NBAS: variants seen among roughly 807,000 people sequenced by gnomAD.
NBAS encodes NBAS subunit of NRZ tethering complex.
Under a neutral mutation model 302.5 loss-of-function variants are expected in NBAS, and 219 were observed. The observed-to-expected ratio is 0.72, with a 90% CI of 0.65 to 0.81. The LOEUF (loss-of-function observed/expected upper bound fraction) is 0.81, where lower values mean the gene tolerates loss of function less well. NBAS is among the 30% of genes least tolerant of loss of function. The probability of loss-of-function intolerance (pLI) is 0.00; values close to 1 mark genes in which losing one functional copy is unlikely to be tolerated. For synonymous variants in NBAS, 1,118 were observed against 1,021.6 expected, an observed-to-expected ratio of 1.09 and a Z score of -1.80; for missense variants, 2,932 against 2,841.6, an observed-to-expected ratio of 1.03 and a Z score of -0.72.
chr2:15,091,993 G>T, the NBAS span, among the ~76,000 whole-genome samples: 1 of 152,350 alleles, frequency 6.6e-6, no homozygotes, highest in East Asian at 1.9e-4. Context: ...GTTTGGGGAA[G>T]CCAAAAGTTA....
At chr2:15,015,164 A>AAAG in the NBAS span, among the ~76,000 whole-genome samples, 31 of 151,600 alleles carry the variant, frequency 2.0e-4, no homozygotes, top group African/African-American at 7.5e-4. Context: ...AAAAAAAAAA[A>AAAG]TCCAGGATTG....
chr2:14,783,735 G>A, the NBAS span, among the ~76,000 whole-genome samples: 74 of 152,036 alleles, frequency 4.9e-4, no homozygotes, highest in East Asian at 0.013. Flanking sequence ...GGACATTTGG[G>A]TTGGTTCCAA....
chr2:15,212,764 A>G (rs780252716), intron 48 of NBAS, among the ~76,000 whole-genome samples: 60 of 152,176 alleles, frequency 3.9e-4, no homozygotes, highest in African/African-American at 1.4e-3. Context: ...CTTGGCTTTC[A>G]TTCTTCTCTT....
the NBAS span, among the ~76,000 whole-genome samples, chr2:15,153,231 T>C: frequency 6.6e-6 from 1 of 152,230 alleles, no homozygotes; most frequent in Non-Finnish European, 1.5e-5. Flanking sequence ...TGGTCAGTGA[T>C]GCAGATGTTA....
At chr2:15,551,414 C>A in intron 6 of NBAS, 79 bp downstream of exon 6, 1 of 853,058 alleles carries the variant, frequency 1.2e-6, no homozygotes, top group Non-Finnish European at 1.8e-6. Context: ...TATTTAATAT[C>A]TATTCTAACT....
At chr2:15,438,592 G>A (rs971259190) in intron 21 of NBAS, among the ~76,000 whole-genome samples, 3 of 152,168 alleles carry the variant, frequency 2.0e-5, no homozygotes, top group Admixed American at 6.5e-5. Flanking sequence ...AAAACAAAGT[G>A]AGCCCAGCAG....
the NBAS span, among the ~76,000 whole-genome samples, chr2:14,888,445 C>G: frequency 1.3e-5 from 2 of 148,958 alleles, no homozygotes; most frequent in East Asian, 1.9e-4. Context: ...GCCACGGCAC[C>G]CGGCCCCCCC....
chr2:15,006,036 T>C, the NBAS span, among the ~76,000 whole-genome samples: 2 of 152,244 alleles, frequency 1.3e-5, no homozygotes, highest in South Asian at 4.1e-4. Flanking sequence ...AAAACACAAA[T>C]AACATCAAGA....
chr2:14,864,493 G>A, the NBAS span, among the ~76,000 whole-genome samples: 6 of 152,132 alleles, frequency 3.9e-5, no homozygotes, highest in Non-Finnish European at 5.9e-5. Flanking sequence ...TCTAATAGCT[G>A]TTTGAGCCTT....
At chr2:15,315,182 T>C (rs572357278) in intron 38 of NBAS, among the ~76,000 whole-genome samples, 99 of 152,338 alleles carry the variant, frequency 6.5e-4, no homozygotes, top group Middle Eastern at 3.4e-3. Flanking sequence ...TAAAAAATAG[T>C]TAAAGATATG....
At chr2:14,814,139 G>T in the NBAS span, among the ~76,000 whole-genome samples, 1 of 152,228 alleles carries the variant, frequency 6.6e-6, no homozygotes, top group South Asian at 2.1e-4. Context: ...GAAGTCTGCT[G>T]CAGGGGCACA....
At chr2:15,471,445 A>G (rs1188734781) in intron 16 of NBAS, among the ~76,000 whole-genome samples, 1 of 152,194 alleles carries the variant, frequency 6.6e-6, no homozygotes, top group Non-Finnish European at 1.5e-5. Context: ...TAAAACTTTT[A>G]GGGAAATAAT....
At chr2:14,898,285 G>A in the NBAS span, among the ~76,000 whole-genome samples, 5 of 152,086 alleles carry the variant, frequency 3.3e-5, no homozygotes, top group Admixed American at 3.3e-4. Flanking sequence ...AAATAATGTT[G>A]GTGTTTCTAA....
chr2:15,432,863 G>A (rs1035138277), intron 21 of NBAS, among the ~76,000 whole-genome samples: 52 of 152,132 alleles, frequency 3.4e-4, no homozygotes, highest in South Asian at 2.1e-4. Flanking sequence ...AAAGCTGTCC[G>A]AAGGCATTAT....
intron 12 of NBAS, among the ~76,000 whole-genome samples, chr2:15,482,399 T>G (rs928387566): frequency 6.6e-6 from 1 of 152,192 alleles, no homozygotes; most frequent in African/African-American, 2.4e-5. Flanking sequence ...ATTACTGGAA[T>G]GAGCCACCGC....
the NBAS span, among the ~76,000 whole-genome samples, chr2:15,007,684 T>G: frequency 6.6e-6 from 1 of 152,230 alleles, no homozygotes; most frequent in East Asian, 1.9e-4. Flanking sequence ...TAGTGGAGAG[T>G]GCATTGACCA....
the NBAS span, among the ~76,000 whole-genome samples, chr2:14,783,460 T>TCCC: frequency 8.4e-6 from 1 of 119,646 alleles, no homozygotes; most frequent in African/African-American, 3.1e-5. Flanking sequence ...CCTAATGCTA[T>TCCC]CCCTCCCCCC....
the NBAS span, among the ~76,000 whole-genome samples, chr2:14,967,127 A>G: frequency 3.3e-5 from 5 of 152,328 alleles, no homozygotes; most frequent in East Asian, 9.6e-4. Flanking sequence ...ACTATAAAAC[A>G]CCACTGAGAT....
chr2:15,320,722 C>A (rs1671761890), intron 38 of NBAS, among the ~76,000 whole-genome samples: 2 of 151,418 alleles, frequency 1.3e-5, no homozygotes, highest in Non-Finnish European at 2.9e-5. Flanking sequence ...AGGAGAACTA[C>A]AAACCACTGC....
Sources: allele counts gnomAD v4.1 joint callset (sites outside exome capture counted in the v4.1 genomes callset), GRCh38; gene constraint gnomAD v4.1.1; transcripts MANE v1.5; gene names NCBI Gene and HGNC (gene_info 2026-07-23, HGNC 2026-07-21).